The following LIMD1 variants were observed in gnomAD, a reference collection of about 807,000 sequenced individuals.
LIMD1 encodes the protein LIM domain containing 1.
In LIMD1, 23 loss-of-function variants were observed where a neutral mutation model predicts 58.4. The ratio of observed to expected loss-of-function variants is 0.39; its 90% CI spans 0.28 to 0.56. The LOEUF (loss-of-function observed/expected upper bound fraction) is 0.56. Ranked by LOEUF, LIMD1 falls within the 20% of genes least tolerant of loss-of-function variation. LIMD1 has a pLI of 0.57. For synonymous variants in LIMD1, 334 were observed against 345.5 expected (o/e 0.97, Z 0.37); for missense variants, 838 against 855.5 (o/e 0.98, Z 0.25).
At chr3:45,647,635 T>C (rs775172002) in intron 2 of LIMD1, among the ~76,000 whole-genome samples, 5 of 152,208 alleles carry the variant, frequency 3.3e-5, no homozygotes, top group Non-Finnish European at 5.9e-5. Flanking sequence ...GTCTCTTGCA[T>C]GGATCACTGC....
At chr3:45,598,584 C>T (rs1701379603) in intron 1 of LIMD1, among the ~76,000 whole-genome samples, 1 of 152,210 alleles carries the variant, frequency 6.6e-6, no homozygotes, top group Non-Finnish European at 1.5e-5. Context: ...AGACAGGAAC[C>T]TCTGCCTCCC....
intron 1 of LIMD1, among the ~76,000 whole-genome samples, chr3:45,614,645 C>T (rs1357730123): frequency 7.3e-5 from 11 of 151,594 alleles, no homozygotes; most frequent in Admixed American, 7.2e-4. Flanking sequence ...ATCATATGAG[C>T]CCAGGAGGTC....
chr3:45,629,944 C>A (rs1575351677), intron 1 of LIMD1, among the ~76,000 whole-genome samples: 1 of 152,150 alleles, frequency 6.6e-6, no homozygotes, highest in Admixed American at 6.5e-5. Context: ...ATAGGTACAG[C>A]TTATTATATG....
At chr3:45,662,536 G>A (rs1019540521) in intron 2 of LIMD1, among the ~76,000 whole-genome samples, 1 of 151,908 alleles carries the variant, frequency 6.6e-6, no homozygotes, top group Non-Finnish European at 1.5e-5. Flanking sequence ...CTTTGATTCT[G>A]TATTTTTATA....
At chr3:45,615,134 C>T (rs1157001244) in intron 1 of LIMD1, among the ~76,000 whole-genome samples, 10 of 152,068 alleles carry the variant, frequency 6.6e-5, no homozygotes, top group Non-Finnish European at 1.5e-5. Flanking sequence ...CCCTCATAAA[C>T]AAATGAAGAC....
rs1460646974 is a variant in LIMD1, at chr3:45,595,290, C to T, written c.411C>T (p.Tyr137=). The T allele has an allele frequency of 6.2e-7, 1 of 1,613,214 alleles. No homozygotes were observed. Among genetic ancestry groups the T allele is most frequent in the Non-Finnish European group, 8.5e-7 (1 of 1,179,998 alleles). The change falls in exon 1 of 8, where the codon TAC becomes TAT. Residue 137 remains tyrosine (Y), a synonymous_variant. Coordinates refer to ENST00000273317, the MANE Select transcript of LIMD1 (RefSeq NM_014240.3). ...YPPQEQRSRP[Y]LHGTRHGSQD... ...CGCAGGAGCAGAGATCCAGGCCATA[C>T]CTGCATGGCACGAGGCATGGCAGCC... is the stretch of plus-strand genomic sequence containing the variant.
chr3:45,654,548 C>T (rs532700461), intron 2 of LIMD1, among the ~76,000 whole-genome samples: 9 of 152,134 alleles, frequency 5.9e-5, no homozygotes, highest in African/African-American at 2.2e-4. Context: ...TACTCATTCA[C>T]GGCCTGCAGG....
intron 2 of LIMD1, among the ~76,000 whole-genome samples, chr3:45,649,876 T>C (rs1278405009): frequency 1.6e-5 from 2 of 126,462 alleles, no homozygotes; most frequent in East Asian, 4.4e-4. Context: ...ATTTTCTCCC[T>C]TTTTTTTTTT....
chr3:45,629,982 A>T (rs1299274885), intron 1 of LIMD1, among the ~76,000 whole-genome samples: 1 of 152,204 alleles, frequency 6.6e-6, no homozygotes, highest in Non-Finnish European at 1.5e-5. Context: ...AAGCTGTTTT[A>T]TAAGAAGATT....
chr3:45,614,639 T>C (rs926720223), intron 1 of LIMD1, among the ~76,000 whole-genome samples: 1 of 151,428 alleles, frequency 6.6e-6, no homozygotes, highest in Non-Finnish European at 1.5e-5. Context: ...GGGAGGATCA[T>C]ATGAGCCCAG....
chr3:45,616,612 A>G (rs1701578619), intron 1 of LIMD1, among the ~76,000 whole-genome samples: 1 of 151,970 alleles, frequency 6.6e-6, no homozygotes, highest in African/African-American at 2.4e-5. Flanking sequence ...TGAGCCCATC[A>G]CTATTCCAGT....
rs749432446 is a variant in LIMD1 at position 45,665,706 on chromosome 3, GA to G, written c.1569del (p.Asp524ThrfsTer20). The G allele has an allele frequency of 6.2e-7, 1 of 1,614,084 alleles. No homozygotes were observed. The highest frequency in any genetic ancestry group is 8.5e-7 in the Non-Finnish European group (1 of 1,179,934). On this transcript the variant is annotated frameshift_variant, in exon 3 of 8. Coordinates refer to ENST00000273317, the MANE Select transcript of LIMD1 (RefSeq NM_014240.3). LOFTEE classifies it high-confidence loss of function. ...YFVNGKVFCEEDFLYSGFQQS... is the reference protein window; with the variant it reads ...YFVNGKVFCEXDFLYSGFQQS... ...TGTCAACGGCAAAGTGTTTTGTGAA[GA>G]AGACTTCCTGGTGAGTGTGTCACCG... is the stretch of plus-strand genomic sequence containing the variant.
intron 5 of LIMD1, 53 bp downstream of exon 5, chr3:45,672,873 C>T: frequency 6.2e-7 from 1 of 1,603,294 alleles, no homozygotes; most frequent in Non-Finnish European, 8.5e-7. Context: ...AAGCTGATCT[C>T]AGCAGAGTGA....
intron 2 of LIMD1, among the ~76,000 whole-genome samples, chr3:45,646,211 C>T (rs986800165): frequency 6.6e-6 from 1 of 152,154 alleles, no homozygotes; most frequent in African/African-American, 2.4e-5. Context: ...GAAGTGTGTT[C>T]GTGCCCAGGG....
chr3:45,608,977 G>T (rs1028330038), intron 1 of LIMD1, among the ~76,000 whole-genome samples: 1 of 152,164 alleles, frequency 6.6e-6, no homozygotes, highest in Non-Finnish European at 1.5e-5. Flanking sequence ...ATGAATCATG[G>T]TATGTATTTA....
intron 2 of LIMD1, among the ~76,000 whole-genome samples, chr3:45,657,909 G>C (rs544814019): frequency 8.5e-5 from 13 of 152,210 alleles, no homozygotes; most frequent in African/African-American, 2.9e-4. Context: ...ATTTCTGCCC[G>C]ACTCTTTACT....
intron 1 of LIMD1, among the ~76,000 whole-genome samples, chr3:45,604,957 C>T (rs963643709): frequency 3.3e-5 from 5 of 152,228 alleles, no homozygotes; most frequent in Non-Finnish European, 7.3e-5. Flanking sequence ...CATGATCATT[C>T]TTGCCAGGGG....
intron 2 of LIMD1, among the ~76,000 whole-genome samples, chr3:45,648,790 A>G (rs1311939303): frequency 4.0e-3 from 1 of 248 alleles, no homozygotes. Context: ...GTTGGATCTC[A>G]TTGTGGGTTT....
At position 45,676,939 on chromosome 3, in the gene LIMD1, CAAT is replaced by C; in HGVS notation, c.1912_1914del (p.Asn638del). ...CCCCACAGGACTGTGGTCTGGAGCT[CAAT>C]GATGAAGATGGCCACCGCTGTTATC... On this transcript the variant is annotated inframe_deletion, in exon 8 of 8. Transcript: ENST00000273317. 1.2e-6 allele frequency: 2 copies of C among 1,614,170 alleles called. No individual in the cohort carries two copies. The highest frequency in any genetic ancestry group is 1.7e-6 in the Non-Finnish European group (2 of 1,180,012).
Sources: gnomAD v4.1 joint callset for allele counts (sites outside exome capture counted in the v4.1 genomes callset) on GRCh38, gnomAD v4.1.1 for gene constraint, MANE v1.5 for transcripts, NCBI Gene and HGNC (gene_info 2026-07-23, HGNC 2026-07-21) for gene names.